The following PPP2R2A variants were observed in gnomAD, a reference collection of about 807,000 sequenced individuals.
The protein encoded by PPP2R2A is protein phosphatase 2 regulatory subunit Balpha.
Under a neutral mutation model 53.2 loss-of-function variants are expected in PPP2R2A, and 9 were observed. The observed-to-expected ratio is 0.17, with a 90% CI of 0.10 to 0.30. PPP2R2A has a LOEUF of 0.30. Among genes scored for constraint, PPP2R2A ranks in the 10% least tolerant of loss-of-function variants. The pLI is 1.00. For synonymous variants in PPP2R2A, 169 were observed against 174.2 expected (o/e 0.97, Z 0.23); for missense variants, 235 against 534.6 (o/e 0.44, Z 5.53).
intron 3 of PPP2R2A, among the ~76,000 whole-genome samples, chr8:26,343,998 T>C (rs1382564189): frequency 6.6e-6 from 1 of 152,166 alleles, no homozygotes; most frequent in Non-Finnish European, 1.5e-5. Context: ...TTTTAACCCC[T>C]GGTAGTGCAG....
chr8:26,358,379 T>C (rs766979412), intron 4 of PPP2R2A, among the ~76,000 whole-genome samples: 1 of 152,194 alleles, frequency 6.6e-6, no homozygotes, highest in Non-Finnish European at 1.5e-5. Flanking sequence ...TAGGCTAGGC[T>C]CATATCTATC....
intron 3 of PPP2R2A, among the ~76,000 whole-genome samples, chr8:26,347,739 A>T (rs1212886105): frequency 6.6e-6 from 1 of 152,180 alleles, no homozygotes; most frequent in Non-Finnish European, 1.5e-5. Context: ...TTGATAGGAT[A>T]TTGTGACTGA....
intron 9 of PPP2R2A, among the ~76,000 whole-genome samples, chr8:26,368,859 C>G (rs969028706): frequency 6.6e-6 from 1 of 152,134 alleles, no homozygotes; most frequent in African/African-American, 2.4e-5. Flanking sequence ...GTAATCCCAG[C>G]ACTTTGGGAG....
chr8:26,318,207 A>G (rs369662268), intron 2 of PPP2R2A, among the ~76,000 whole-genome samples: 3 of 152,160 alleles, frequency 2.0e-5, no homozygotes, highest in African/African-American at 7.2e-5. Flanking sequence ...GACTTTGTTC[A>G]TTCCTCTTTC....
chr8:26,334,060 G>A (rs1190162144), intron 2 of PPP2R2A, among the ~76,000 whole-genome samples: 3 of 151,398 alleles, frequency 2.0e-5, no homozygotes, highest in Admixed American at 6.6e-5. Flanking sequence ...CCTTTATATC[G>A]CACAATTTGG....
chr8:26,363,118 C>G, intron 7 of PPP2R2A: 2 of 284,850 alleles, frequency 7.0e-6, no homozygotes, highest in Non-Finnish European at 6.6e-6. Context: ...GGCTCTGTAA[C>G]CTTGTATTGA....
At chr8:26,349,852 T>G (rs1208119642) in intron 3 of PPP2R2A, among the ~76,000 whole-genome samples, 5 of 152,224 alleles carry the variant, frequency 3.3e-5, no homozygotes, top group South Asian at 2.1e-4. Context: ...TACTCATGTT[T>G]TTTGCTGTAC....
In PPP2R2A at chr8:26,338,216, A is replaced by G. The variant is rs932828881; in HGVS notation, c.83-674A>G. Among the ~76,000 whole-genome samples, 1 of 152,092 alleles carries G rather than the reference A, an allele frequency of 6.6e-6. No individual in the cohort carries two copies. Among genetic ancestry groups the G allele is most frequent in the Non-Finnish European group, 1.5e-5 (1 of 68,030 alleles). On this transcript the variant is annotated intron_variant, in intron 2 of 9. Transcript: ENST00000380737. This position sits in a 1 kb window ranked among gnomAD's most constrained non-coding sequence, Gnocchi z 4.5. ...AAAAGGGCTCTAGTGTGAAAAACCA[A>G]GAAAAAAAACTTGACAGTTTTCTTT...
At chr8:26,333,096 G>C (rs1202691850) in intron 2 of PPP2R2A, among the ~76,000 whole-genome samples, 2 of 152,224 alleles carry the variant, frequency 1.3e-5, no homozygotes, top group Admixed American at 1.3e-4. Context: ...TGTAACATCT[G>C]TATGTGCTTT....
chr8:26,332,880 T>C (rs185892304), intron 2 of PPP2R2A, among the ~76,000 whole-genome samples: 1 of 152,356 alleles, frequency 6.6e-6, no homozygotes, highest in Admixed American at 6.5e-5. Context: ...CAGAGATTTA[T>C]AGAATTCTGT....
At chr8:26,367,674 G>A (rs892190038) in intron 9 of PPP2R2A, among the ~76,000 whole-genome samples, 18 of 152,138 alleles carry the variant, frequency 1.2e-4, no homozygotes, top group Non-Finnish European at 2.9e-5. Context: ...TTCCATTTAC[G>A]CCAGATGTGA....
At chr8:26,367,009 C>T (rs897412999) in intron 9 of PPP2R2A, among the ~76,000 whole-genome samples, 2 of 151,946 alleles carry the variant, frequency 1.3e-5, no homozygotes, top group African/African-American at 4.8e-5. Context: ...GTCTATTTGC[C>T]ACTATGTTCC....
intron 8 of PPP2R2A, among the ~76,000 whole-genome samples, chr8:26,364,424 T>C (rs1448687274): frequency 6.6e-6 from 1 of 152,346 alleles, no homozygotes; most frequent in East Asian, 1.9e-4. Flanking sequence ...ATGTCAGTTC[T>C]TGATTCTCTT....
At position 26,354,102 on chromosome 8, in the gene PPP2R2A, C is replaced by T. The variant is rs144161989; in HGVS notation, c.181-366C>T. Among the ~76,000 whole-genome samples the T allele has an allele frequency of 6.6e-4, 101 of 152,172 alleles. 2 individuals are homozygous for T. The highest frequency in any genetic ancestry group is 2.4e-3 in the African/African-American group (99 of 41,518). The stretch of plus-strand genomic sequence containing the variant: ...CTCACCTAGCTCTTTCTGGGCAAGA[C>T]TTTATCATTATTTTTAGATGAACTT... On this transcript the variant is annotated intron_variant, in intron 3 of 9. Transcript: ENST00000380737. The surrounding 1 kb of genome is among the most constrained non-coding windows in gnomAD (Gnocchi z 4.6).
intron 4 of PPP2R2A, chr8:26,359,021 ACG>A (rs781714586): frequency 2.2e-6 from 1 of 449,610 alleles, no homozygotes; most frequent in Non-Finnish European, 4.5e-6. Context: ...ACCCAAGTTA[ACG>A]CCACCAGCTG....
chr8:26,317,928 C>A (rs922788584), intron 2 of PPP2R2A, among the ~76,000 whole-genome samples: 1 of 152,090 alleles, frequency 6.6e-6, no homozygotes, highest in African/African-American at 2.4e-5. Flanking sequence ...TTCTATCTAG[C>A]CCATGGGGGA....
intron 2 of PPP2R2A, among the ~76,000 whole-genome samples, chr8:26,295,587 G>A (rs969876726): frequency 6.6e-6 from 1 of 152,160 alleles, no homozygotes; most frequent in Non-Finnish European, 1.5e-5. Flanking sequence ...CTGATACTTA[G>A]TAGCTGCATT....
intron 3 of PPP2R2A, chr8:26,340,103 C>G (rs551386156): frequency 1.6e-4 from 25 of 151,938 alleles, no homozygotes; most frequent in African/African-American, 6.0e-4. Context: ...CTTTGCTTGA[C>G]AAAGAATGGT....
intron 2 of PPP2R2A, among the ~76,000 whole-genome samples, chr8:26,323,085 G>A (rs997960688): frequency 2.6e-5 from 4 of 152,170 alleles, no homozygotes; most frequent in Admixed American, 2.6e-4. Flanking sequence ...TTTTTACCTG[G>A]TCTCCAGGCT....
Sources: allele counts gnomAD v4.1 joint callset (sites outside exome capture counted in the v4.1 genomes callset), GRCh38; gene constraint gnomAD v4.1.1; non-coding constraint Gnocchi (gnomAD v3.1); transcripts MANE v1.5; gene names NCBI Gene and HGNC (gene_info 2026-07-23, HGNC 2026-07-21).